The following BORCS5 variants were observed in gnomAD, a reference collection of about 807,000 sequenced individuals.
BORCS5 encodes BLOC-1-related complex subunit 5.
In BORCS5, 17 loss-of-function variants were observed where a neutral mutation model predicts 22.1. The ratio of observed to expected loss-of-function variants is 0.77; its 90% confidence interval spans 0.53 to 1.15. BORCS5 has a LOEUF of 1.15. Among genes scored for constraint, BORCS5 ranks in the 50% most tolerant of loss-of-function variants. The pLI is 0.00. For missense variants in BORCS5, 247 were observed against 253.2 expected (o/e 0.98, Z 0.17); for synonymous variants, 117 against 99.8 (o/e 1.17, Z -1.03).
chr12:12,399,917 A>G (rs1020466692), intron 2 of BORCS5, among the ~76,000 whole-genome samples: 1 of 152,210 alleles, frequency 6.6e-6, no homozygotes, highest in Non-Finnish European at 1.5e-5. Context: ...CTTTCTGAAA[A>G]TAACACAGTG....
intron 2 of BORCS5, among the ~76,000 whole-genome samples, chr12:12,413,818 G>A (rs374022190): frequency 6.6e-5 from 5 of 75,202 alleles, no homozygotes; most frequent in African/African-American, 3.2e-4. Flanking sequence ...CGGACGGGGC[G>A]GCTGGCCAGG....
intron 3 of BORCS5, among the ~76,000 whole-genome samples, chr12:12,465,187 T>C (rs1943176321): frequency 6.6e-6 from 1 of 152,144 alleles, no homozygotes; most frequent in Non-Finnish European, 1.5e-5. Flanking sequence ...GGATAAGCAT[T>C]AGCAGCTCAT....
intron 2 of BORCS5, among the ~76,000 whole-genome samples, chr12:12,363,400 T>G (rs1295719936): frequency 2.0e-5 from 3 of 151,032 alleles, no homozygotes; most frequent in Non-Finnish European, 4.4e-5. Flanking sequence ...AGGAGATCAA[T>G]ACCAGCCTGG....
chr12:12,426,602 C>G (rs1942294326), intron 2 of BORCS5, among the ~76,000 whole-genome samples: 1 of 152,202 alleles, frequency 6.6e-6, no homozygotes, highest in Non-Finnish European at 1.5e-5. Flanking sequence ...TCATTGCTTA[C>G]CACAAATTCC....
chr12:12,380,619 T>C (rs1863755695), intron 2 of BORCS5, among the ~76,000 whole-genome samples: 1 of 151,544 alleles, frequency 6.6e-6, no homozygotes, highest in East Asian at 1.9e-4. Context: ...TTTTTATTTC[T>C]TTTGGGTGGA....
chr12:12,397,049 T>G (rs1414533679), intron 2 of BORCS5, among the ~76,000 whole-genome samples: 1 of 152,172 alleles, frequency 6.6e-6, no homozygotes, highest in Non-Finnish European at 1.5e-5. Context: ...ACCTGTGATT[T>G]TCTTCTTTCT....
chr12:12,462,650 A>ATTTAC, intron 3 of BORCS5, among the ~76,000 whole-genome samples: 1 of 103,046 alleles, frequency 9.7e-6, no homozygotes, highest in East Asian at 2.1e-4. Flanking sequence ...CTGAAGCTGG[A>ATTTAC]TTTATTTTAT....
Position 12,435,991 on chromosome 12 carries a change from A to C in BORCS5, c.360+206A>C. The C allele has an allele frequency of 6.2e-6, 3 of 480,058 alleles. No homozygotes were observed. In the South Asian group the frequency reaches 9.9e-5, roughly 16 times the overall value. The allele number at this position is 480,058 out of a possible 1,614,324, so 29.7% of individuals were successfully genotyped here. A position where few individuals can be genotyped will look rare whatever the true frequency, so the allele number is the denominator to read the frequency against. On this transcript the variant is annotated intron_variant, in intron 3 of 3. Coordinates refer to ENST00000314565, the MANE Select transcript of BORCS5 (RefSeq NM_058169.6). ...CTGATCACCACTGATTTGCTTGGCCAAGTTGCTTAACTTCTCTGTCTCAGT... is the reference window on the plus strand; with the variant it reads ...CTGATCACCACTGATTTGCTTGGCCCAGTTGCTTAACTTCTCTGTCTCAGT...
intron 2 of BORCS5, among the ~76,000 whole-genome samples, chr12:12,433,839 A>G (rs1942490027): frequency 6.6e-6 from 1 of 152,174 alleles, no homozygotes; most frequent in South Asian, 2.1e-4. Context: ...GAGAGCATCG[A>G]CCAGCATTTC....
rs147756304 is a variant in BORCS5, at chr12:12,441,320, C to T, written c.360+5535C>T. ...GACAATTTGGCAGAATGGTTCTGAG[C>T]GTAAACTCCAGAGCCACACTGCCAA... On this transcript the variant is annotated intron_variant, in intron 3 of 3. Transcript: ENST00000314565. Among the ~76,000 whole-genome samples, 449 of 152,256 alleles carry T rather than the reference C, an allele frequency of 2.9e-3. 3 individuals are homozygous for T. Among genetic ancestry groups the T allele is most frequent in the African/African-American group, 8.9e-3 (369 of 41,534 alleles).
At chr12:12,448,586 A>G (rs1283421673) in intron 3 of BORCS5, among the ~76,000 whole-genome samples, 1 of 146,752 alleles carries the variant, frequency 6.8e-6, no homozygotes, top group Non-Finnish European at 1.5e-5. Flanking sequence ...GCTGGAATGC[A>G]GTGGCGATCT....
At chr12:12,465,432 C>T in intron 3 of BORCS5, 114 bp from the exon 4 acceptor site, 2 of 908,812 alleles carry the variant, frequency 2.2e-6, no homozygotes, top group Non-Finnish European at 1.7e-6. Flanking sequence ...TCCTGTAAAA[C>T]TTGTCAGCTT....
At chr12:12,422,209 T>C (rs1277395581) in intron 2 of BORCS5, among the ~76,000 whole-genome samples, 1 of 152,236 alleles carries the variant, frequency 6.6e-6, no homozygotes, top group Non-Finnish European at 1.5e-5. Flanking sequence ...TTTGCACTTA[T>C]CATGAGGATT....
rs751420377 is a variant in BORCS5 at position 12,435,740 on chromosome 12, G to A, written c.315G>A (p.Glu105=). The A allele has an allele frequency of 2.5e-6, 4 of 1,614,038 alleles. No homozygotes were observed. Among genetic ancestry groups the A allele is most frequent in the Non-Finnish European group, 3.4e-6 (4 of 1,179,960 alleles). The part of the protein sequence containing the change: ...RYQDHLHQCA[E]AVAFDQNALV... Reference sequence around the variant, plus strand: ...AAGATCACCTGCATCAGTGTGCAGAGGCCGTTGCTTTTGACCAGAATGCTT... The same window carrying A: ...AAGATCACCTGCATCAGTGTGCAGAAGCCGTTGCTTTTGACCAGAATGCTT... Residue 105 remains glutamate (E), a synonymous_variant, in exon 3 of 4, where the codon GAG becomes GAA. Coordinates refer to ENST00000314565, the MANE Select transcript of BORCS5 (RefSeq NM_058169.6).
intron 3 of BORCS5, among the ~76,000 whole-genome samples, chr12:12,456,598 TA>T (rs1484352778): frequency 1.9e-4 from 29 of 152,250 alleles, no homozygotes; most frequent in African/African-American, 6.0e-4. Context: ...GCTTTCAAAA[TA>T]TTTTTTGAAA....
intron 3 of BORCS5, among the ~76,000 whole-genome samples, chr12:12,448,126 G>T (rs936137706): frequency 6.6e-6 from 1 of 152,214 alleles, no homozygotes; most frequent in Non-Finnish European, 1.5e-5. Flanking sequence ...CTGGGATGCA[G>T]GCTCAGAGCT....
intron 2 of BORCS5, among the ~76,000 whole-genome samples, chr12:12,427,560 C>T (rs1942319742): frequency 6.6e-6 from 1 of 152,078 alleles, no homozygotes; most frequent in South Asian, 2.1e-4. Flanking sequence ...AGCTTAAGTG[C>T]TTTTATCTTT....
chr12:12,382,627 G>A (rs1428929984), intron 2 of BORCS5, among the ~76,000 whole-genome samples: 1 of 150,296 alleles, frequency 6.7e-6, no homozygotes, highest in East Asian at 1.9e-4. Context: ...CTGCCTCCTG[G>A]GTTCAAGTGA....
intron 2 of BORCS5, among the ~76,000 whole-genome samples, chr12:12,418,656 C>T (rs991747859): frequency 2.6e-5 from 4 of 152,216 alleles, no homozygotes; most frequent in African/African-American, 9.6e-5. Context: ...CATTGCACTA[C>T]AGCCTGGGTA....
Sources: allele counts gnomAD v4.1 joint callset (sites outside exome capture counted in the v4.1 genomes callset), GRCh38; gene constraint gnomAD v4.1.1; transcripts MANE v1.5; gene names NCBI Gene and HGNC (gene_info 2026-07-23, HGNC 2026-07-21).